PCDH15: variants seen among roughly 807,000 people sequenced by gnomAD.
The protein encoded by PCDH15 is protocadherin-15.
In PCDH15, 129 loss-of-function variants were observed where a neutral mutation model predicts 178.5. The observed-to-expected ratio is 0.72, with a 90% CI of 0.63 to 0.84. PCDH15 has a LOEUF of 0.84. Ranked by LOEUF, PCDH15 falls within the 40% of genes least tolerant of loss-of-function variation. The probability of loss-of-function intolerance (pLI) is 0.00; values close to 1 mark genes in which losing one functional copy is unlikely to be tolerated. For missense variants in PCDH15, 2,230 were observed against 2,099.9 expected, an observed-to-expected ratio of 1.06 and a Z score of -1.21; for synonymous variants, 800 against 732.0, an observed-to-expected ratio of 1.09 and a Z score of -1.50.
At chr10:53,909,940 G>A (rs1026554084) in intron 25 of PCDH15, among the ~76,000 whole-genome samples, 2 of 152,204 alleles carry the variant, frequency 1.3e-5, no homozygotes, top group African/African-American at 4.8e-5. Flanking sequence ...CGAGGCAGCA[G>A]CCTGGCAGGG....
chr10:54,363,826 A>G lies in PCDH15; in HGVS notation c.474+5294T>C, dbSNP rs56160121. 6.2e-3 allele frequency among the ~76,000 whole-genome samples: 947 copies of G among 152,316 alleles called. 8 individuals are homozygous for G. The highest frequency in any genetic ancestry group is 0.011 in the Non-Finnish European group (735 of 68,018). On this transcript the variant is annotated intron_variant, in intron 5 of 37. Transcript: ENST00000644397. The stretch of plus-strand genomic sequence containing the variant: ...AACTTAAAATAAATAAATATAATTA[A>G]AACTCCATTTTGGTAGGTATTATAA...
At chr10:55,475,042 T>C (rs1338721337) in intron 2 of PCDH15, among the ~76,000 whole-genome samples, 1 of 152,110 alleles carries the variant, frequency 6.6e-6, no homozygotes, top group Non-Finnish European at 1.5e-5. Context: ...TCTTCGCCCA[T>C]TTTGTGTTGC....
intron 2 of PCDH15, among the ~76,000 whole-genome samples, chr10:55,130,909 TA>T (rs1838024594): frequency 6.6e-6 from 1 of 152,194 alleles, no homozygotes; most frequent in South Asian, 2.1e-4. Context: ...ATCTTACTTC[TA>T]AGTAAATATT....
chr10:55,455,975 C>T (rs746768932), intron 2 of PCDH15, among the ~76,000 whole-genome samples: 12 of 152,144 alleles, frequency 7.9e-5, no homozygotes, highest in South Asian at 6.2e-4. Flanking sequence ...TATACATAAA[C>T]GAACTAAATC....
intron 3 of PCDH15, among the ~76,000 whole-genome samples, chr10:54,405,164 G>A (rs7921745): frequency 0.02 from 2,986 of 152,014 alleles, 103 homozygotes; most frequent in African/African-American, 0.066. Flanking sequence ...TTATACCTGA[G>A]GGAATAAAAA....
chr10:54,132,966 T>C lies in PCDH15; in HGVS notation c.1826A>G (p.Asn609Ser), dbSNP rs2042569610. The C allele has an allele frequency of 1.9e-6, 3 of 1,613,998 alleles. No individual in the cohort carries two copies. Among genetic ancestry groups the C allele is most frequent in the Non-Finnish European group, 2.5e-6 (3 of 1,179,992 alleles). ...TGGGAAGCGAGGAGGGCTTTGATTA[T>C]TTGGTGGAAGCACTTCAATATACAC... ...CTVYIEVLPP[N>S]NQSPPRFPQL... is the part of the protein sequence containing the mutation. Residue 609 changes from asparagine (N) to serine (S), a missense_variant, in exon 15 of 38, where the codon AAT (asparagine) becomes AGT (serine). Asn to Ser is a conservative substitution (Grantham distance 46). Coordinates refer to ENST00000644397, the MANE Select transcript of PCDH15 (RefSeq NM_001384140.1).
intron 32 of PCDH15, among the ~76,000 whole-genome samples, chr10:53,824,721 T>G (rs1423177472): frequency 1.3e-5 from 2 of 152,146 alleles, no homozygotes; most frequent in African/African-American, 2.4e-5. Flanking sequence ...TGGTTGTTTT[T>G]GTAAACAAAC....
intron 27 of PCDH15, among the ~76,000 whole-genome samples, chr10:53,861,337 T>C (rs2079094586): frequency 6.6e-6 from 1 of 152,130 alleles, no homozygotes; most frequent in Admixed American, 6.6e-5. Context: ...TCCATCATCA[T>C]TGAGATTGAT....
At chr10:55,600,443 G>T (rs546394212) in intron 2 of PCDH15, among the ~76,000 whole-genome samples, 1 of 152,048 alleles carries the variant, frequency 6.6e-6, no homozygotes, top group Non-Finnish European at 1.5e-5. Flanking sequence ...CCGCACTAGT[G>T]TAAGTCAGTT....
At chr10:55,416,305 T>C (rs1430386127) in intron 2 of PCDH15, among the ~76,000 whole-genome samples, 1 of 151,894 alleles carries the variant, frequency 6.6e-6, no homozygotes, top group Admixed American at 6.6e-5. Flanking sequence ...TAAGCTATTA[T>C]AGTTAGCCTC....
At chr10:55,073,853 T>C (rs1375171067) in intron 2 of PCDH15, among the ~76,000 whole-genome samples, 1 of 152,066 alleles carries the variant, frequency 6.6e-6, no homozygotes, top group Non-Finnish European at 1.5e-5. Flanking sequence ...TTCCTAATGC[T>C]CTTGCTCCCC....
intron 3 of PCDH15, among the ~76,000 whole-genome samples, chr10:54,515,419 G>A (rs1589821360): frequency 6.6e-6 from 1 of 152,238 alleles, no homozygotes; most frequent in Admixed American, 6.5e-5. Flanking sequence ...CGGCAGACAG[G>A]CTGGGGGAGG....
chr10:55,439,451 AC>A (rs1839127621), intron 2 of PCDH15, among the ~76,000 whole-genome samples: 1 of 152,174 alleles, frequency 6.6e-6, no homozygotes, highest in African/African-American at 2.4e-5. Context: ...ATAGAGAATG[AC>A]CTTCATTCCA....
intron 27 of PCDH15, among the ~76,000 whole-genome samples, chr10:53,865,895 A>G (rs1364998531): frequency 6.6e-6 from 1 of 152,210 alleles, no homozygotes; most frequent in Non-Finnish European, 1.5e-5. Flanking sequence ...ATTTCTAATG[A>G]ATATACTTTG....
At chr10:55,429,698 A>C (rs1838838386) in intron 2 of PCDH15, among the ~76,000 whole-genome samples, 1 of 152,178 alleles carries the variant, frequency 6.6e-6, no homozygotes, top group African/African-American at 2.4e-5. Flanking sequence ...GAAGCATTTT[A>C]CTTATGATAT....
intron 32 of PCDH15, among the ~76,000 whole-genome samples, chr10:53,825,574 T>C (rs2076624202): frequency 6.6e-6 from 1 of 151,634 alleles, no homozygotes; most frequent in Admixed American, 6.6e-5. Context: ...ATACAACTAC[T>C]ATGATGACAA....
intron 10 of PCDH15, among the ~76,000 whole-genome samples, chr10:54,211,233 G>T (rs1373862774): frequency 7.0e-6 from 1 of 142,538 alleles, no homozygotes; most frequent in Non-Finnish European, 1.5e-5. Flanking sequence ...TATCCAAACT[G>T]GGACATTTAA....
chr10:53,844,860 A>G (rs1210125443), intron 28 of PCDH15, among the ~76,000 whole-genome samples: 4 of 152,126 alleles, frequency 2.6e-5, no homozygotes, highest in South Asian at 4.1e-4. Flanking sequence ...AAATTTTCCA[A>G]TGAAAGCAAA....
intron 2 of PCDH15, among the ~76,000 whole-genome samples, chr10:54,986,904 T>G (rs894243378): frequency 6.6e-6 from 1 of 151,642 alleles, no homozygotes; most frequent in Non-Finnish European, 1.5e-5. Flanking sequence ...TTTTTCATTT[T>G]ACTTTAAGTT....
Sources: allele counts gnomAD v4.1 joint callset (sites outside exome capture counted in the v4.1 genomes callset), GRCh38; gene constraint gnomAD v4.1.1; transcripts MANE v1.5; gene names NCBI Gene and HGNC (gene_info 2026-07-23, HGNC 2026-07-21).